Variants in PDE3A observed in about 807,000 individuals in gnomAD.
The protein encoded by PDE3A is phosphodiesterase 3A, also known as cGMP-inhibited 3',5'-cyclic phosphodiesterase 3A.
Under a neutral mutation model 98.3 loss-of-function variants are expected in PDE3A, and 43 were observed. That is an observed-to-expected ratio of 0.44 (90% CI 0.34 to 0.56). The LOEUF is 0.56. Among genes scored for constraint, PDE3A ranks in the 20% least tolerant of loss-of-function variants. The probability of loss-of-function intolerance (pLI) is 0.01; values close to 1 mark genes in which losing one functional copy is unlikely to be tolerated. For synonymous variants in PDE3A, 663 were observed against 567.9 expected, an observed-to-expected ratio of 1.17 and a Z score of -2.38; for missense variants, 1,427 against 1,440.7, an observed-to-expected ratio of 0.99 and a Z score of 0.15.
chr12:20,580,767 G>C (rs1943042854), intron 2 of PDE3A, among the ~76,000 whole-genome samples: 1 of 152,200 alleles, frequency 6.6e-6, no homozygotes, highest in African/African-American at 2.4e-5. Context: ...GTACAGCCTA[G>C]TATTAAAGTA....
chr12:20,520,892 A>G (rs560533490), intron 1 of PDE3A, among the ~76,000 whole-genome samples: 1 of 152,284 alleles, frequency 6.6e-6, no homozygotes, highest in Admixed American at 6.5e-5. Flanking sequence ...CTCATGCTGC[A>G]AAGGGGGCTG....
chr12:20,646,102 T>A (rs1944769631), intron 10 of PDE3A, among the ~76,000 whole-genome samples: 1 of 152,216 alleles, frequency 6.6e-6, no homozygotes, highest in African/African-American at 2.4e-5. Context: ...CTCATCTAGT[T>A]GAAGTATGTC....
chr12:20,672,390 G>A (rs1176364443), intron 15 of PDE3A, among the ~76,000 whole-genome samples: 30 of 78,654 alleles, frequency 3.8e-4, no homozygotes, highest in Non-Finnish European at 2.7e-5. Flanking sequence ...GCATCGCCAA[G>A]TCAATCCTAA....
At chr12:20,528,714 TACATG>T (rs1351127900) in intron 1 of PDE3A, among the ~76,000 whole-genome samples, 1 of 152,068 alleles carries the variant, frequency 6.6e-6, no homozygotes, top group African/African-American at 2.4e-5. Flanking sequence ...GAGGGAGAGG[TACATG>T]ACTTTTGCAG....
intron 1 of PDE3A, among the ~76,000 whole-genome samples, chr12:20,526,890 G>C (rs1291672357): frequency 2.0e-5 from 1 of 49,114 alleles, no homozygotes; most frequent in East Asian, 3.3e-4. Flanking sequence ...TTTTCTGTGT[G>C]TGTGTGTGTG....
At chr12:20,551,630 A>G (rs1437357333) in intron 1 of PDE3A, 9 of 1,580,888 alleles carry the variant, frequency 5.7e-6, no homozygotes, top group Non-Finnish European at 7.7e-6. Flanking sequence ...CTCATGTGCG[A>G]TGAGTGCGAC....
At position 20,485,504 on chromosome 12, in the gene PDE3A, G is replaced by C. The variant is rs973170559; in HGVS notation, c.961-71156G>C. The stretch of plus-strand genomic sequence containing the variant: ...CTGAAACTTTGTTTTGTCCTTTTTT[G>C]ATTAGTGTTAATACATTTTCAGAGT... On this transcript the variant is annotated intron_variant, in intron 1 of 15. Transcript: ENST00000359062. 5.3e-5 allele frequency among the ~76,000 whole-genome samples: 8 copies of C among 151,906 alleles called. 1 individual carries two copies. The highest frequency in any genetic ancestry group is 5.2e-4 in the Admixed American group (8 of 15,258).
At chr12:20,427,999 G>A (rs1944629427) in intron 1 of PDE3A, among the ~76,000 whole-genome samples, 1 of 151,944 alleles carries the variant, frequency 6.6e-6, no homozygotes, top group Admixed American at 6.6e-5. Flanking sequence ...AGGTCAGGAG[G>A]TCAGGAGTAA....
chr12:20,547,158 A>G (rs1942080874), intron 1 of PDE3A, among the ~76,000 whole-genome samples: 1 of 151,946 alleles, frequency 6.6e-6, no homozygotes, highest in Non-Finnish European at 1.5e-5. Flanking sequence ...ATAAAATGTC[A>G]CTTTTTTCAG....
At chr12:20,575,170 A>G (rs773182540) in intron 2 of PDE3A, among the ~76,000 whole-genome samples, 13 of 152,146 alleles carry the variant, frequency 8.5e-5, no homozygotes, top group South Asian at 6.2e-4. Context: ...AGTAATTTTG[A>G]TGTCCTGTAT....
intron 2 of PDE3A, among the ~76,000 whole-genome samples, chr12:20,578,855 A>G (rs1343459081): frequency 6.6e-6 from 1 of 152,034 alleles, no homozygotes; most frequent in African/African-American, 2.4e-5. Flanking sequence ...ATCACTTCCT[A>G]TATGTAAGTC....
At chr12:20,666,759 T>A (rs922177724) in intron 15 of PDE3A, among the ~76,000 whole-genome samples, 1 of 152,224 alleles carries the variant, frequency 6.6e-6, no homozygotes, top group Non-Finnish European at 1.5e-5. Context: ...ATTATCTTTT[T>A]AATATACTAA....
At chr12:20,432,477 G>A (rs76029552) in intron 1 of PDE3A, among the ~76,000 whole-genome samples, 4,004 of 152,174 alleles carry the variant, frequency 0.026, 167 homozygotes, top group African/African-American at 0.091. Context: ...AAAGGTGGGA[G>A]GAAACTTCTG....
intron 2 of PDE3A, among the ~76,000 whole-genome samples, chr12:20,607,933 C>A (rs1338742544): frequency 6.6e-6 from 1 of 151,976 alleles, no homozygotes; most frequent in Non-Finnish European, 1.5e-5. Flanking sequence ...TTCTGAGTAC[C>A]ATTGGTATAC....
At chr12:20,421,503 G>T (rs547339747) in intron 1 of PDE3A, among the ~76,000 whole-genome samples, 2 of 151,424 alleles carry the variant, frequency 1.3e-5, no homozygotes, top group East Asian at 1.9e-4. Context: ...CAATTATGTT[G>T]CCATCTATCT....
In PDE3A at chr12:20,552,867, C is replaced by A; in HGVS notation, c.961-3793C>A. The A allele has an allele frequency of 1.9e-6, 3 of 1,613,780 alleles. No homozygotes were observed. Among genetic ancestry groups the A allele is most frequent in the East Asian group, 2.2e-5 (1 of 44,844 alleles). On this transcript the variant is annotated intron_variant, in intron 1 of 15. Coordinates refer to ENST00000359062, the MANE Select transcript of PDE3A (RefSeq NM_000921.5). The surrounding 1 kb of genome is among the most constrained non-coding windows in gnomAD (Gnocchi z 5.1). The stretch of plus-strand genomic sequence containing the variant: ...TGTGCCAGCACAACGTGTGCAAGGA[C>A]TGCCTGGACAGATCCTTTCGGGCAC...
In PDE3A at chr12:20,628,523, C is replaced by T. The variant is rs564416835; in HGVS notation, c.1541-1385C>T. Among the ~76,000 whole-genome samples, 7 of 152,198 alleles carry T rather than the reference C, an allele frequency of 4.6e-5. No homozygotes were observed. The South Asian group carries it at 1.5e-3, about 32-fold the overall frequency. ...ATTTTACTAAGAGTAGCTGGGTTTA[C>T]TCTATATTCTCCCATGTACTAGTAC... On this transcript the variant is annotated intron_variant, in intron 5 of 15. Coordinates refer to ENST00000359062, the MANE Select transcript of PDE3A (RefSeq NM_000921.5).
chr12:20,486,633 C>T (rs1158746750), intron 1 of PDE3A, among the ~76,000 whole-genome samples: 3 of 152,006 alleles, frequency 2.0e-5, no homozygotes, highest in African/African-American at 7.2e-5. Context: ...AAGATTTTTG[C>T]TTATTTGTTT....
Position 20,368,890 on chromosome 12 carries a change from G to A in PDE3A, c.-395G>A, listed in dbSNP as rs1406088973. Reference sequence around the variant, plus strand: ...CTCCTCCAGCGTCAGCGGCTCCTGCGCGCGGGATGCATTGGGCAATTTTTG... The same window carrying A: ...CTCCTCCAGCGTCAGCGGCTCCTGCACGCGGGATGCATTGGGCAATTTTTG... On this transcript the variant is annotated 5_prime_UTR_variant, in exon 1 of 16. Transcript: ENST00000359062. 2.0e-5 allele frequency among the ~76,000 whole-genome samples: 3 copies of A among 151,966 alleles called. No homozygotes were observed. The highest frequency in any genetic ancestry group is 2.4e-5 in the African/African-American group (1 of 41,416).
Sources: allele counts gnomAD v4.1 joint callset (sites outside exome capture counted in the v4.1 genomes callset), GRCh38; gene constraint gnomAD v4.1.1; non-coding constraint Gnocchi (gnomAD v3.1); transcripts MANE v1.5; gene names NCBI Gene and HGNC (gene_info 2026-07-23, HGNC 2026-07-21).